ZFC3H1: variants seen among roughly 807,000 people sequenced by gnomAD.
ZFC3H1 encodes zinc finger C3H1-type containing.
ZFC3H1 carries 71 observed loss-of-function variants against 243.7 expected under a neutral mutation model. The observed-to-expected ratio is 0.29, with a 90% CI of 0.24 to 0.36. The LOEUF is 0.36. Among genes scored for constraint, ZFC3H1 ranks in the 10% least tolerant of loss-of-function variants. The probability of loss-of-function intolerance (pLI) is 1.00; values close to 1 mark genes in which losing one functional copy is unlikely to be tolerated. For missense variants in ZFC3H1, 1,966 were observed against 2,317.1 expected (o/e 0.85, Z 3.11); for synonymous variants, 838 against 813.0 (o/e 1.03, Z -0.52).
At chr12:71,633,243 A>G (rs756301889) in intron 13 of ZFC3H1, 21 bp downstream of exon 13, 1 of 1,560,054 alleles carries the variant, frequency 6.4e-7, no homozygotes, top group Admixed American at 2.1e-5. Flanking sequence ...ACAGGAGACT[A>G]CAGTATTTTA....
rs936642732 is a variant in ZFC3H1 at position 71,645,091 on chromosome 12, A to T, written c.1081-16T>A. 14 of 1,569,140 alleles carry T rather than the reference A, an allele frequency of 8.9e-6. No homozygotes were observed. The highest frequency in any genetic ancestry group is 4.2e-5 in the African/African-American group (3 of 72,136). Reference sequence around the variant, plus strand: ...CACCAAGTTTCTTTAAAGCAAAAAGAAAGAGCTAAAATTTTTTAATTCTAT... The same window carrying T: ...CACCAAGTTTCTTTAAAGCAAAAAGTAAGAGCTAAAATTTTTTAATTCTAT... On this transcript the variant is annotated splice_polypyrimidine_tract_variant and intron_variant, in intron 3 of 34. Coordinates refer to ENST00000378743, the MANE Select transcript of ZFC3H1 (RefSeq NM_144982.5).
chr12:71,636,639 T>C lies in ZFC3H1; in HGVS notation c.1951A>G (p.Ser651Gly). The change falls in exon 9 of 35, where the codon AGT becomes GGT. Residue 651 changes from serine (S) to glycine (G), a missense_variant. Around this residue, in one of 4 missense-constraint regions of ZFC3H1, gnomAD observed 1,383 missense variants for 1,723.7 expected, o/e 0.80. Transcript: ENST00000378743. The stretch of plus-strand genomic sequence containing the variant: ...AGAACTGGAGGTGAAGGTGGGTCAC[T>C]ATTACTGGATGTTTCCTACATAAGG... ...AFKPEETSSN[S>G]DPPSPPVLNN... The C allele has an allele frequency of 6.2e-7, 1 of 1,607,962 alleles. No individual in the cohort carries two copies. Among genetic ancestry groups the C allele is most frequent in the Non-Finnish European group, 8.5e-7 (1 of 1,178,486 alleles).
chr12:71,631,756 T>C (rs758662866), intron 16 of ZFC3H1, 22 bp downstream of exon 16: 9 of 1,536,198 alleles, frequency 5.9e-6, no homozygotes, highest in African/African-American at 5.6e-5. Context: ...AAATTCAAGC[T>C]TATTGAATCT....
At chr12:71,649,529 G>T (rs535228028) in intron 2 of ZFC3H1, among the ~76,000 whole-genome samples, 67 of 151,872 alleles carry the variant, frequency 4.4e-4, no homozygotes, top group Middle Eastern at 3.4e-3. Flanking sequence ...TATATGCCAC[G>T]GACAAAGTTT....
chr12:71,611,694 T>C (rs1212461288), intron 32 of ZFC3H1, 92 bp downstream of exon 32: 1 of 255,770 alleles, frequency 3.9e-6, no homozygotes, highest in Admixed American at 5.4e-5. Flanking sequence ...TATATATATA[T>C]ATATAGATGT....
At chr12:71,640,607 T>C (rs1228474203) in intron 6 of ZFC3H1, among the ~76,000 whole-genome samples, 1 of 151,590 alleles carries the variant, frequency 6.6e-6, no homozygotes, top group African/African-American at 2.4e-5. Context: ...GTTCCTGCTC[T>C]GCTTTCATTA....
intron 6 of ZFC3H1, 63 bp downstream of exon 6, chr12:71,642,373 C>A: frequency 1.3e-6 from 2 of 1,524,732 alleles, no homozygotes; most frequent in Admixed American, 2.0e-5. Context: ...TTTTGAGTAC[C>A]ATAATGACTA....
In ZFC3H1 at chr12:71,614,692, A is replaced by G. The variant is rs1424374542; in HGVS notation, c.5369T>C (p.Val1790Ala). 6.2e-7 allele frequency: 1 copy of G among 1,601,848 alleles called. No homozygotes were observed. Among genetic ancestry groups the G allele is most frequent in the Non-Finnish European group, 8.5e-7 (1 of 1,176,578 alleles). ...TCCAGCAGCTCTATTATTTGCAAAG[A>G]CAAGATAACTGCCAAAAGAAAAATA... ...IVQKIWMDYL[V>A]FANNRAAGSR... Residue 1790 changes from valine (V) to alanine (A), a missense_variant, in exon 30 of 35, where the codon GTC becomes GCC. By Grantham distance (64) the Val-to-Ala change is moderately conservative. Transcript: ENST00000378743.
In ZFC3H1 at chr12:71,656,918, A is replaced by C. The variant is rs747796679; in HGVS notation, c.982T>G (p.Ser328Ala). The C allele has an allele frequency of 2.5e-6, 4 of 1,613,076 alleles. No homozygotes were observed. The highest frequency in any genetic ancestry group is 2.7e-5 in the African/African-American group (2 of 74,964). Reference protein sequence around the residue: ...KKVKDGAKPLSLKSDTTDSSQ... With the variant: ...KKVKDGAKPLALKSDTTDSSQ... Reference sequence around the variant, plus strand: ...GAATCAGTAGTGTCGGATTTCAGGGAAAGTGGTTTTGCTCCATCTTTAACT... The same window carrying C: ...GAATCAGTAGTGTCGGATTTCAGGGCAAGTGGTTTTGCTCCATCTTTAACT... Residue 328 changes from serine (S) to alanine (A), a missense_variant, in exon 2 of 35, where the codon TCC becomes GCC. Physicochemically the swap from Ser to Ala is moderately conservative, Grantham distance 99. Coordinates refer to ENST00000378743, the MANE Select transcript of ZFC3H1 (RefSeq NM_144982.5).
At chr12:71,630,224 T>C (rs1414768602) in intron 18 of ZFC3H1, among the ~76,000 whole-genome samples, 1 of 152,176 alleles carries the variant, frequency 6.6e-6, no homozygotes, top group East Asian at 1.9e-4. Context: ...TAAGTAAAAA[T>C]AGGCTCCTAT....
At chr12:71,635,368 A>T in intron 10 of ZFC3H1, 75 bp downstream of exon 10, 1 of 1,505,754 alleles carries the variant, frequency 6.6e-7, no homozygotes, top group Non-Finnish European at 8.8e-7. Context: ...TTTATGGTTT[A>T]ATTTTCAGGA....
Position 71,619,954 on chromosome 12 carries a change from TA to T in ZFC3H1, c.5020del (p.Tyr1674IlefsTer45). On this transcript the variant is annotated frameshift_variant, in exon 26 of 35. Transcript: ENST00000378743. LOFTEE classifies it high-confidence loss of function. Reference sequence around the variant, plus strand: ...TAAGATGAAGAATTTGCACATATGATAAAAAACCTCTGCATTCTGAGGATTT... The same window carrying T: ...TAAGATGAAGAATTTGCACATATGATAAAAACCTCTGCATTCTGAGGATTT... ...EKNPQNAEVFYHMCKFFILQN... is the reference protein window; with the variant it reads ...EKNPQNAEVFXHMCKFFILQN... The T allele has an allele frequency of 6.3e-7, 1 of 1,597,702 alleles. No homozygotes were observed. Among genetic ancestry groups the T allele is most frequent in the Non-Finnish European group, 8.5e-7 (1 of 1,170,384 alleles).
intron 9 of ZFC3H1, 132 bp downstream of exon 9, chr12:71,636,358 A>T: frequency 1.6e-6 from 1 of 622,966 alleles, no homozygotes; most frequent in Non-Finnish European, 2.4e-6. Flanking sequence ...AATAAATTTT[A>T]AAAATTTGTA....
chr12:71,613,358 T>C lies in ZFC3H1; in HGVS notation c.5604A>G (p.Pro1868=). The part of the protein sequence containing the change: ...KTLERFCSVM[P]ANSGLALRLL... The stretch of plus-strand genomic sequence containing the variant: ...ACCTCAATGCAAGTCCAGAATTAGC[T>C]GGCATAACTGAACAAAACCGTTCCA... The change falls in exon 31 of 35, where the codon CCA becomes CCG. Residue 1868 remains proline, a synonymous_variant. Transcript: ENST00000378743. 2 of 1,610,940 alleles carry C rather than the reference T, an allele frequency of 1.2e-6. No homozygotes were observed. Among genetic ancestry groups the C allele is most frequent in the Non-Finnish European group, 1.7e-6 (2 of 1,178,118 alleles).
At chr12:71,640,711 C>T (rs906677425) in intron 6 of ZFC3H1, among the ~76,000 whole-genome samples, 54 of 152,152 alleles carry the variant, frequency 3.5e-4, no homozygotes, top group Admixed American at 1.4e-3. Context: ...GGGCAGCTGC[C>T]GGGACCACCC....
At chr12:71,655,677 C>T (rs890830207) in intron 2 of ZFC3H1, among the ~76,000 whole-genome samples, 6 of 152,008 alleles carry the variant, frequency 3.9e-5, no homozygotes, top group African/African-American at 1.4e-4. Flanking sequence ...AAACTCCACC[C>T]AGGCCCAGAC....
At chr12:71,640,298 C>T (rs990107781) in intron 6 of ZFC3H1, among the ~76,000 whole-genome samples, 2 of 152,318 alleles carry the variant, frequency 1.3e-5, no homozygotes, top group Admixed American at 6.5e-5. Context: ...TCTGGGATTA[C>T]AGGTGTGAGT....
chr12:71,644,487 G>T (rs1880678238), intron 4 of ZFC3H1, among the ~76,000 whole-genome samples, 169 bp from the exon 5 acceptor site: 1 of 152,052 alleles, frequency 6.6e-6, no homozygotes, highest in African/African-American at 2.4e-5. Context: ...TCAAAACTCT[G>T]AATTAAAATC....
At chr12:71,662,148 G>A (rs1478542028) in intron 1 of ZFC3H1, among the ~76,000 whole-genome samples, 1 of 152,096 alleles carries the variant, frequency 6.6e-6, no homozygotes, top group Non-Finnish European at 1.5e-5. Flanking sequence ...GGAAACCTTC[G>A]GATGATTGAT....
Sources: allele counts gnomAD v4.1 joint callset (sites outside exome capture counted in the v4.1 genomes callset), GRCh38; gene constraint gnomAD v4.1.1; regional missense constraint gnomAD v4.1.1; transcripts MANE v1.5; gene names NCBI Gene and HGNC (gene_info 2026-07-23, HGNC 2026-07-21).